Variants in BRAF observed in about 807,000 individuals in gnomAD.
The protein encoded by BRAF is serine/threonine-protein kinase B-raf.
A neutral mutation model predicts 104.6 loss-of-function variants in BRAF; 16 were observed. That is an observed-to-expected ratio of 0.15 (90% CI 0.10 to 0.23). The LOEUF (loss-of-function observed/expected upper bound fraction) is 0.23. Among genes scored for constraint, BRAF ranks in the 10% least tolerant of loss-of-function variants. The probability of loss-of-function intolerance (pLI) is 1.00; values close to 1 mark genes in which losing one functional copy is unlikely to be tolerated. For missense variants in BRAF, 541 were observed against 937.3 expected, an observed-to-expected ratio of 0.58 and a Z score of 5.52; for synonymous variants, 310 against 341.6, an observed-to-expected ratio of 0.91 and a Z score of 1.02.
intron 14 of BRAF, among the ~76,000 whole-genome samples, chr7:140,768,237 A>G (rs1799513977): frequency 7.2e-6 from 1 of 138,788 alleles, no homozygotes; most frequent in Non-Finnish European, 1.5e-5. Flanking sequence ...TAATGATTAC[A>G]TATTTCCTCG....
chr7:140,819,691 TG>T (rs750686136), intron 3 of BRAF, among the ~76,000 whole-genome samples: 1 of 152,196 alleles, frequency 6.6e-6, no homozygotes, highest in Non-Finnish European at 1.5e-5. Flanking sequence ...ACAATGTGGA[TG>T]GACTTTGAAA....
intron 2 of BRAF, among the ~76,000 whole-genome samples, chr7:140,844,563 T>G (rs1454849167): frequency 6.6e-6 from 1 of 152,224 alleles, no homozygotes; most frequent in Non-Finnish European, 1.5e-5. Flanking sequence ...CAAAGCAATC[T>G]ACAGATTCAA....
intron 3 of BRAF, among the ~76,000 whole-genome samples, chr7:140,809,560 C>T (rs541409759): frequency 6.6e-6 from 1 of 152,296 alleles, no homozygotes; most frequent in African/African-American, 2.4e-5. Flanking sequence ...AGGGTCACTA[C>T]TTTTATGTCA....
intron 3 of BRAF, among the ~76,000 whole-genome samples, chr7:140,821,625 A>G (rs1382340182): frequency 6.6e-6 from 1 of 152,132 alleles, no homozygotes; most frequent in Non-Finnish European, 1.5e-5. Context: ...AGGCTTGTAC[A>G]CTGTTGGTGG....
rs983747542 is a variant in BRAF, at chr7:140,883,858, A to T, written c.139-33646T>A. ...CATTAGTTCATTAAATCATTACACC[A>T]CAGTAAGATAATATGTATTCCATGT... On this transcript the variant is annotated intron_variant, in intron 1 of 19. Transcript: ENST00000644969. Among the ~76,000 whole-genome samples, 10 of 152,344 alleles carry T rather than the reference A, an allele frequency of 6.6e-5. No homozygotes were observed. In the East Asian group the frequency reaches 1.7e-3, roughly 26 times the overall value.
At chr7:140,736,259 G>A (rs954523891) in intron 18 of BRAF, among the ~76,000 whole-genome samples, 20 of 147,736 alleles carry the variant, frequency 1.4e-4, no homozygotes, top group Non-Finnish European at 2.8e-4. Context: ...TAGTAGAGAC[G>A]GGTATCACCA....
chr7:140,920,400 C>T (rs1278236283), intron 1 of BRAF, among the ~76,000 whole-genome samples: 13 of 152,200 alleles, frequency 8.5e-5, no homozygotes, highest in Admixed American at 2.0e-4. Context: ...TGCCAAAAAT[C>T]AGAGGAACCT....
rs1490256395 is a variant in BRAF at position 140,924,422 on chromosome 7, C to G, written c.138+144G>C. ...TGCATGACGGAGAGGGACACGGGGG[C>G]GATGCCCACCTCCCAGCCCGCGGAG... is the stretch of plus-strand genomic sequence containing the variant. On this transcript the variant is annotated intron_variant, in intron 1 of 19. Transcript: ENST00000644969. This position sits in a 1 kb window ranked among gnomAD's most constrained non-coding sequence, Gnocchi z 4.2. 1 of 1,219,990 alleles carries G rather than the reference C, an allele frequency of 8.2e-7. No homozygotes were observed. The highest frequency in any genetic ancestry group is 2.6e-5 in the East Asian group (1 of 38,302). The allele number at this position is 1,219,990 out of a possible 1,614,324, so 75.6% of individuals were successfully genotyped here.
At chr7:140,893,826 A>T (rs1190547277) in intron 1 of BRAF, among the ~76,000 whole-genome samples, 4 of 152,166 alleles carry the variant, frequency 2.6e-5, no homozygotes, top group East Asian at 1.9e-4. Flanking sequence ...GGGGAAAAAA[A>T]TGACTGAAAA....
chr7:140,730,177 T>C (rs1755828409), intron 19 of BRAF, among the ~76,000 whole-genome samples: 1 of 152,026 alleles, frequency 6.6e-6, no homozygotes, highest in African/African-American at 2.4e-5. Context: ...AAATCTCTAC[T>C]ATTCTACTTC....
At chr7:140,717,724 T>G (rs748751620), downstream of BRAF, among the ~76,000 whole-genome samples, 3 of 152,184 alleles carry the variant, frequency 2.0e-5, no homozygotes, top group Admixed American at 6.5e-5. Context: ...GGCTAAATTT[T>G]AAGGAAAACC....
At chr7:140,795,086 AT>A (rs1802371923) in intron 7 of BRAF, among the ~76,000 whole-genome samples, 1 of 152,240 alleles carries the variant, frequency 6.6e-6, no homozygotes, top group African/African-American at 2.4e-5. Flanking sequence ...CAAGAGAATC[AT>A]ATATTAACCA....
chr7:140,856,475 T>C (rs1300850905), intron 1 of BRAF, among the ~76,000 whole-genome samples: 1 of 152,134 alleles, frequency 6.6e-6, no homozygotes, highest in Non-Finnish European at 1.5e-5. Flanking sequence ...AAAGTAAATT[T>C]CTACTGAGAT....
chr7:140,824,007 T>G (rs535603353), intron 3 of BRAF: 4 of 152,346 alleles, frequency 2.6e-5, no homozygotes, highest in Non-Finnish European at 5.9e-5. Flanking sequence ...TTAACAAGGT[T>G]GTATGCTATT....
intron 1 of BRAF, among the ~76,000 whole-genome samples, chr7:140,874,538 A>G (rs1008909789): frequency 6.6e-6 from 1 of 151,560 alleles, no homozygotes; most frequent in African/African-American, 2.4e-5. Flanking sequence ...AAAGTAAAAA[A>G]AAAAAAAAAA....
intron 1 of BRAF, among the ~76,000 whole-genome samples, chr7:140,853,880 G>T (rs1227370089): frequency 6.6e-6 from 1 of 152,052 alleles, no homozygotes; most frequent in Non-Finnish European, 1.5e-5. Context: ...GTCCAGGAGG[G>T]CATAGGTTTT....
intron 19 of BRAF, among the ~76,000 whole-genome samples, chr7:140,727,309 A>G (rs999525868): frequency 1.4e-4 from 21 of 149,064 alleles, no homozygotes; most frequent in African/African-American, 5.2e-4. Flanking sequence ...TCAGCCTCCC[A>G]AGTAGCTGGG....
At chr7:140,792,405 A>C (rs775310349) in intron 8 of BRAF, among the ~76,000 whole-genome samples, 5 of 152,190 alleles carry the variant, frequency 3.3e-5, no homozygotes, top group African/African-American at 1.2e-4. Context: ...TTCACTGTAG[A>C]TATTACCTGC....
intron 1 of BRAF, among the ~76,000 whole-genome samples, chr7:140,874,099 G>A (rs1338825999): frequency 6.6e-6 from 1 of 151,950 alleles, no homozygotes; most frequent in Non-Finnish European, 1.5e-5. Flanking sequence ...AGAACACATA[G>A]AGCAGCTAAT....
Sources: allele counts gnomAD v4.1 joint callset (sites outside exome capture counted in the v4.1 genomes callset), GRCh38; gene constraint gnomAD v4.1.1; non-coding constraint Gnocchi (gnomAD v3.1); transcripts MANE v1.5; gene names NCBI Gene and HGNC (gene_info 2026-07-23, HGNC 2026-07-21).